DDX10: variants seen among roughly 807,000 people sequenced by gnomAD.
The protein encoded by DDX10 is DEAD-box helicase 10.
In DDX10, 74 loss-of-function variants were observed where a neutral mutation model predicts 104.3. The ratio of observed to expected loss-of-function variants is 0.71; its 90% CI spans 0.59 to 0.86. The LOEUF (loss-of-function observed/expected upper bound fraction) is 0.86. Among genes scored for constraint, DDX10 ranks in the 40% least tolerant of loss-of-function variants. The pLI, the probability that DDX10 is intolerant of heterozygous loss-of-function variation, is 0.00. For missense variants in DDX10, 952 were observed against 1,040.0 expected (o/e 0.92, Z 1.16); for synonymous variants, 351 against 353.4 (o/e 0.99, Z 0.08).
At chr11:108,697,177 G>T (rs2094261032) in intron 9 of DDX10, among the ~76,000 whole-genome samples, 1 of 148,924 alleles carries the variant, frequency 6.7e-6, no homozygotes, top group African/African-American at 2.5e-5. Flanking sequence ...ATTTTTACTT[G>T]ACTATTTTAG....
chr11:108,762,818 T>A, intron 13 of DDX10, among the ~76,000 whole-genome samples: 1 of 152,212 alleles, frequency 6.6e-6, no homozygotes, highest in African/African-American at 2.4e-5. Context: ...GCTTGTCTGT[T>A]TGGCTGACAG....
At chr11:108,722,056 A>G (rs2094298986) in intron 12 of DDX10, among the ~76,000 whole-genome samples, 1 of 152,146 alleles carries the variant, frequency 6.6e-6, no homozygotes, top group Non-Finnish European at 1.5e-5. Context: ...TGAGGTAGGT[A>G]CTCTTAGCAT....
intron 6 of DDX10, among the ~76,000 whole-genome samples, chr11:108,688,676 C>T (rs1425931559): frequency 6.6e-6 from 1 of 152,164 alleles, no homozygotes; most frequent in African/African-American, 2.4e-5. Context: ...TAATCCTTGA[C>T]CCTGCATTTT....
chr11:108,896,449 A>T (rs1863442738), intron 16 of DDX10, among the ~76,000 whole-genome samples: 1 of 151,490 alleles, frequency 6.6e-6, no homozygotes, highest in Admixed American at 6.6e-5. Flanking sequence ...GTGGTGTGTT[A>T]TTGTGAGTGA....
At chr11:108,797,706 T>C (rs1861964388) in intron 13 of DDX10, among the ~76,000 whole-genome samples, 1 of 152,216 alleles carries the variant, frequency 6.6e-6, no homozygotes, top group Admixed American at 6.5e-5. Context: ...TGTAAATACT[T>C]CTATTGTGCT....
Position 108,689,003 on chromosome 11 carries a change from T to A in DDX10, c.916T>A (p.Ser306Thr). ...GCAGCAAAAAATAAGTGTGCTGTATTCCTTTTTGAGAAGCCATCTGAAGAA... is the reference window on the plus strand; with the variant it reads ...GCAGCAAAAAATAAGTGTGCTGTATACCTTTTTGAGAAGCCATCTGAAGAA... The part of the protein sequence containing the change: ...ELQQKISVLY[S>T]FLRSHLKKKS... The change falls in exon 7 of 18, where the codon TCC becomes ACC. Residue 306 changes from serine (S) to threonine (T), a missense_variant. Around this residue, in one of 3 missense-constraint regions of DDX10, gnomAD observed 412 missense variants for 479.2 expected, o/e 0.86. Coordinates refer to ENST00000322536, the MANE Select transcript of DDX10 (RefSeq NM_004398.4). 6.2e-7 allele frequency: 1 copy of A among 1,614,130 alleles called. No homozygotes were observed. Among genetic ancestry groups the A allele is most frequent in the East Asian group, 2.2e-5 (1 of 44,878 alleles).
At chr11:108,930,119 A>G (rs1289590744) in intron 17 of DDX10, among the ~76,000 whole-genome samples, 1 of 151,614 alleles carries the variant, frequency 6.6e-6, no homozygotes, top group Non-Finnish European at 1.5e-5. Flanking sequence ...ATCACACAGA[A>G]TAGCTCATTG....
chr11:108,813,687 A>G (rs1591825206), intron 13 of DDX10, among the ~76,000 whole-genome samples: 1 of 152,150 alleles, frequency 6.6e-6, no homozygotes, highest in South Asian at 2.1e-4. Flanking sequence ...GGAGAATTCT[A>G]GTACTTTTAT....
rs542220177 is a variant in DDX10, at chr11:108,679,796, C to A, written c.848+236C>A. Among the ~76,000 whole-genome samples the A allele has an allele frequency of 6.1e-3, 935 of 152,218 alleles. 10 individuals are homozygous for A. The highest frequency in any genetic ancestry group is 0.021 in the African/African-American group (880 of 41,516). On this transcript the variant is annotated intron_variant, in intron 6 of 17. Transcript: ENST00000322536. The stretch of plus-strand genomic sequence containing the variant: ...TCTGGGAGGGGAACAAATGTTTTTC[C>A]ATAGATGTTAAGAGGTATTTTACCA...
intron 13 of DDX10, among the ~76,000 whole-genome samples, chr11:108,823,328 A>G (rs1043091189): frequency 2.6e-5 from 4 of 152,170 alleles, no homozygotes; most frequent in Non-Finnish European, 4.4e-5. Flanking sequence ...TTTACTGCAC[A>G]TGGTAGTTGT....
chr11:108,940,311 C>T lies in DDX10; in HGVS notation c.2516C>T (p.Thr839Ile). Reference protein sequence around the residue: ...SNSEVEDVGPTSHNRKKARWD... With the variant: ...SNSEVEDVGPISHNRKKARWD... Reference sequence around the variant, plus strand: ...AGTGAAGTGGAAGACGTGGGACCAACAAGTCATAACAGAAAGAAGGCCAGG... The same window carrying T: ...AGTGAAGTGGAAGACGTGGGACCAATAAGTCATAACAGAAAGAAGGCCAGG... Residue 839 changes from threonine (T) to isoleucine (I), a missense_variant, in exon 18 of 18, where the codon ACA becomes ATA. Transcript: ENST00000322536. 6.2e-7 allele frequency: 1 copy of T among 1,614,050 alleles called. No individual in the cohort carries two copies. The highest frequency in any genetic ancestry group is 8.5e-7 in the Non-Finnish European group (1 of 1,180,014).
At chr11:108,824,288 C>T (rs1002703077) in intron 13 of DDX10, among the ~76,000 whole-genome samples, 5 of 152,190 alleles carry the variant, frequency 3.3e-5, no homozygotes, top group Admixed American at 6.5e-5. Context: ...AGCGATCCAC[C>T]TACCTTGGCC....
At chr11:108,678,558 A>C in intron 5 of DDX10, 123 bp downstream of exon 5, 1 of 1,088,608 alleles carries the variant, frequency 9.2e-7, no homozygotes, top group Non-Finnish European at 1.2e-6. Context: ...CAAACTTAAA[A>C]ATTACTGAAA....
intron 13 of DDX10, among the ~76,000 whole-genome samples, chr11:108,764,041 C>T (rs1478232157): frequency 6.6e-6 from 1 of 151,964 alleles, no homozygotes; most frequent in East Asian, 1.9e-4. Flanking sequence ...TTTTTGAGGG[C>T]AAAACAACTA....
chr11:108,940,744 T>A lies in DDX10; in HGVS notation c.*321T>A. ...TTGTCTTACTGGCAAGTTCTGGAGC[T>A]CTTGTGTCATTGTTAGAAATCCCTG... On this transcript the variant is annotated 3_prime_UTR_variant, in exon 18 of 18. Transcript: ENST00000322536. 3.9e-6 allele frequency: 1 copy of A among 257,882 alleles called. No homozygotes were observed. Among genetic ancestry groups the A allele is most frequent in the Admixed American group, 5.1e-5 (1 of 19,622 alleles). The allele number at this position is 257,882 out of a possible 1,614,324, so 16.0% of individuals were successfully genotyped here.
intron 17 of DDX10, among the ~76,000 whole-genome samples, chr11:108,932,254 A>G (rs1863984413): frequency 6.6e-6 from 1 of 151,974 alleles, no homozygotes; most frequent in Non-Finnish European, 1.5e-5. Flanking sequence ...AGGCTTTCCT[A>G]TTTAAAGTTT....
chr11:108,776,763 T>TTA (rs2094370449), intron 13 of DDX10, among the ~76,000 whole-genome samples: 1 of 152,054 alleles, frequency 6.6e-6, no homozygotes, highest in Non-Finnish European at 1.5e-5. Context: ...TGTTGCTGGG[T>TTA]TATAGATGGA....
At chr11:108,769,637 T>G (rs2094360466) in intron 13 of DDX10, among the ~76,000 whole-genome samples, 1 of 152,166 alleles carries the variant, frequency 6.6e-6, no homozygotes, top group Admixed American at 6.6e-5. Flanking sequence ...TTTTGTATAA[T>G]TTTGTATTAT....
At position 108,723,111 on chromosome 11, in the gene DDX10, C is replaced by T. The variant is rs540788571; in HGVS notation, c.1614C>T (p.Pro538=). 2 of 1,613,852 alleles carry T rather than the reference C, an allele frequency of 1.2e-6. No individual in the cohort carries two copies. The highest frequency in any genetic ancestry group is 1.7e-5 in the Admixed American group (1 of 59,970). Residue 538 remains proline (P), a synonymous_variant, in exon 13 of 18, where the codon CCC becomes CCT. Transcript: ENST00000322536. ...QADKVIEPRA[P]SLTNDEVEEF... ...ATAAAGTAATTGAGCCAAGGGCTCC[C>T]TCCCTCACCAATGACGAAGTGGAAG...
Sources: gnomAD v4.1 joint callset for allele counts (sites outside exome capture counted in the v4.1 genomes callset) on GRCh38, gnomAD v4.1.1 for gene constraint, gnomAD v4.1.1 regional missense constraint, MANE v1.5 for transcripts, NCBI Gene and HGNC (gene_info 2026-07-23, HGNC 2026-07-21) for gene names.